Variants in FAIM2 observed in about 807,000 individuals in gnomAD.
The protein encoded by FAIM2 is protein lifeguard 2.
In FAIM2, 27 loss-of-function variants were observed where a neutral mutation model predicts 47.4. The observed-to-expected ratio is 0.57, with a 90% CI of 0.42 to 0.78. The LOEUF (loss-of-function observed/expected upper bound fraction) is 0.78. Among genes scored for constraint, FAIM2 ranks in the 30% least tolerant of loss-of-function variants. The probability of loss-of-function intolerance (pLI) is 0.00; values close to 1 mark genes in which losing one functional copy is unlikely to be tolerated. For synonymous variants in FAIM2, 156 were observed against 159.3 expected (o/e 0.98, Z 0.16); for missense variants, 311 against 389.4 (o/e 0.80, Z 1.69).
chr12:49,886,763 A>C (rs886940069), intron 11 of FAIM2, among the ~76,000 whole-genome samples: 1 of 152,282 alleles, frequency 6.6e-6, no homozygotes, highest in Admixed American at 6.5e-5. Context: ...GGCGTGAGCC[A>C]CCGTGACCGG....
At chr12:49,871,986 A>G (rs1204142406) in intron 11 of FAIM2, among the ~76,000 whole-genome samples, 3 of 152,084 alleles carry the variant, frequency 2.0e-5, no homozygotes, top group African/African-American at 7.2e-5. Flanking sequence ...ATTCTTTTAC[A>G]TTGATTCACA....
At chr12:49,903,726 G>A (rs1946997117) in intron 1 of FAIM2, 52 bp downstream of exon 1, 3 of 1,549,962 alleles carry the variant, frequency 1.9e-6, no homozygotes, top group East Asian at 2.4e-5. Flanking sequence ...GGATGACAGG[G>A]AGCCGGGAGC....
At chr12:49,878,392 G>GTGGGTGTGCATGTGTGTA (rs1555157912) in intron 11 of FAIM2, among the ~76,000 whole-genome samples, 1 of 125,120 alleles carries the variant, frequency 8.0e-6, no homozygotes, top group Non-Finnish European at 1.6e-5. Context: ...GTGTATATGT[G>GTGGGTGTGCATGTGTGTA]TGTGTCTGTG....
At chr12:49,871,023 G>C (rs1946699006) in intron 11 of FAIM2, among the ~76,000 whole-genome samples, 1 of 152,182 alleles carries the variant, frequency 6.6e-6, no homozygotes, top group Non-Finnish European at 1.5e-5. Context: ...GTTAGGGAAG[G>C]CTTCCTGGGA....
intron 11 of FAIM2, among the ~76,000 whole-genome samples, chr12:49,877,924 A>G (rs988515977): frequency 6.7e-5 from 10 of 148,370 alleles, no homozygotes; most frequent in Admixed American, 5.3e-4. Flanking sequence ...ATGTGAGTGT[A>G]TGCATCTGTA....
intron 1 of FAIM2, chr12:49,902,201 T>C (rs1379486176): frequency 1.5e-4 from 23 of 151,934 alleles, no homozygotes; most frequent in Admixed American, 1.5e-3. Context: ...CCCGTGGACA[T>C]GTTTAGCTTT....
rs1204013278 is a variant in FAIM2 at position 49,878,478 on chromosome 12, ATG to A, written c.802-7827_802-7826del. ...TGTGTATGCATGTATGTGTGTGTGC[ATG>A]TGTGTATATGTATGTGCATGTGTGT... On this transcript the variant is annotated intron_variant, in intron 11 of 11. Coordinates refer to ENST00000320634, the MANE Select transcript of FAIM2 (RefSeq NM_012306.4). Among the ~76,000 whole-genome samples the A allele has an allele frequency of 4.6e-3, 263 of 56,916 alleles. 41 individuals are homozygous for A. In the South Asian group the frequency reaches 0.063, roughly 14 times the overall value. The allele number at this position is 56,916 out of a possible 152,430, so 37.3% of individuals were successfully genotyped here.
chr12:49,877,751 T>G (rs1946746761), intron 11 of FAIM2, among the ~76,000 whole-genome samples: 2 of 152,258 alleles, frequency 1.3e-5, no homozygotes, highest in Non-Finnish European at 2.9e-5. Context: ...CCTGTATATA[T>G]ACGTGTGTAT....
chr12:49,884,739 C>CCAAGG (rs1435310128), intron 11 of FAIM2, among the ~76,000 whole-genome samples: 2 of 152,202 alleles, frequency 1.3e-5, no homozygotes, highest in East Asian at 1.9e-4. Flanking sequence ...CTTTGGGAGG[C>CCAAGG]CAAGGCGGGC....
intron 3 of FAIM2, 130 bp downstream of exon 3, chr12:49,897,857 G>T: frequency 1.4e-6 from 1 of 718,606 alleles, no homozygotes; most frequent in Non-Finnish European, 2.5e-6. Flanking sequence ...TTCCTAGTGG[G>T]TGCTGTCAGC....
chr12:49,880,628 GTGTA>G lies in FAIM2; in HGVS notation c.801+6754_801+6757del, dbSNP rs1270709110. Among the ~76,000 whole-genome samples the G allele has an allele frequency of 1.6e-3, 100 of 62,396 alleles. 2 individuals are homozygous for G. In the East Asian group the frequency reaches 0.037, roughly 23 times the overall value. 40.9% of individuals were successfully genotyped at this position (62,396 alleles called of 152,430 possible). On this transcript the variant is annotated intron_variant, in intron 11 of 11. Coordinates refer to ENST00000320634, the MANE Select transcript of FAIM2 (RefSeq NM_012306.4). ...TGTGCATGTGAGTGTATGTGCATGTGTGTATATATATGCATGTGTATCTGTGAGT... is the reference window on the plus strand; with the variant it reads ...TGTGCATGTGAGTGTATGTGCATGTGTATATATGCATGTGTATCTGTGAGT...
chr12:49,899,865 AATG>A (rs1280807111), intron 2 of FAIM2, among the ~76,000 whole-genome samples: 1 of 152,230 alleles, frequency 6.6e-6, no homozygotes, highest in East Asian at 1.9e-4. Flanking sequence ...ACACTTAGTA[AATG>A]TCTGTCATAG....
intron 11 of FAIM2, among the ~76,000 whole-genome samples, chr12:49,875,976 A>G (rs1946733834): frequency 6.6e-6 from 1 of 152,048 alleles, no homozygotes; most frequent in South Asian, 2.1e-4. Context: ...ACTCCATCTC[A>G]AAAAAAAGGA....
chr12:49,899,232 C>T (rs1034953749), intron 2 of FAIM2, among the ~76,000 whole-genome samples: 48 of 152,128 alleles, frequency 3.2e-4, no homozygotes, highest in African/African-American at 1.1e-3. Flanking sequence ...ACAGCCTCAC[C>T]CTCTCCCATG....
intron 3 of FAIM2, 33 bp from the exon 4 acceptor site, chr12:49,897,616 G>T (rs1946947349): frequency 1.9e-6 from 3 of 1,578,404 alleles, no homozygotes; most frequent in South Asian, 2.2e-5. Context: ...TCAGCTTGGG[G>T]GGCCCTGTTA....
intron 11 of FAIM2, among the ~76,000 whole-genome samples, chr12:49,879,515 T>C (rs978643300): frequency 8.2e-6 from 1 of 121,604 alleles, no homozygotes; most frequent in East Asian, 2.0e-4. Flanking sequence ...TATGTGCATG[T>C]GTGTGTGTCC....
intron 10 of FAIM2, among the ~76,000 whole-genome samples, chr12:49,888,871 T>C (rs955064951): frequency 6.6e-6 from 1 of 152,204 alleles, no homozygotes; most frequent in African/African-American, 2.4e-5. Flanking sequence ...ACGGGAAAAG[T>C]GAAGCCGGAT....
At chr12:49,887,520 G>T in intron 10 of FAIM2, 81 bp from the exon 11 acceptor site, 1 of 1,235,080 alleles carries the variant, frequency 8.1e-7, no homozygotes, top group Non-Finnish European at 1.2e-6. Context: ...TCAGTCCAGA[G>T]AATGGAGGAC....
At chr12:49,872,720 G>A (rs1396483395) in intron 11 of FAIM2, among the ~76,000 whole-genome samples, 1 of 152,234 alleles carries the variant, frequency 6.6e-6, no homozygotes, top group Non-Finnish European at 1.5e-5. Context: ...TTGAAAGTCA[G>A]ATCCACTTGG....
Sources: allele counts gnomAD v4.1 joint callset (sites outside exome capture counted in the v4.1 genomes callset), GRCh38; gene constraint gnomAD v4.1.1; transcripts MANE v1.5; gene names NCBI Gene and HGNC (gene_info 2026-07-23, HGNC 2026-07-21).